Variants in QRICH2 observed in about 807,000 individuals in gnomAD.
The protein encoded by QRICH2 is glutamine-rich protein 2.
A neutral mutation model predicts 168.3 loss-of-function variants in QRICH2; 119 were observed. The ratio of observed to expected loss-of-function variants is 0.71; its 90% CI spans 0.61 to 0.82. QRICH2 has a LOEUF of 0.82. Ranked by LOEUF, QRICH2 falls within the 40% of genes least tolerant of loss-of-function variation. The pLI is 0.00. For missense variants in QRICH2, 2,241 were observed against 2,491.6 expected, an observed-to-expected ratio of 0.90 and a Z score of 2.14; for synonymous variants, 894 against 951.2, an observed-to-expected ratio of 0.94 and a Z score of 1.11.
chr17:76,275,698 C>A, intron 18 of QRICH2, 121 bp downstream of exon 18: 1 of 1,287,056 alleles, frequency 7.8e-7, no homozygotes, highest in Admixed American at 2.7e-5. Context: ...ACACCCATCC[C>A]CCCCTTCGGC....
At chr17:76,299,938 C>G (rs2070869616) in intron 3 of QRICH2, among the ~76,000 whole-genome samples, 1 of 151,692 alleles carries the variant, frequency 6.6e-6, no homozygotes, top group African/African-American at 2.4e-5. Context: ...TCAAGCGAGT[C>G]TCCTGCCTCA....
rs375838478 is a variant in QRICH2, at chr17:76,280,578, C to T, written c.4461+76G>A. The T allele has an allele frequency of 1.6e-5, 25 of 1,600,900 alleles. No homozygotes were observed. The highest frequency in any genetic ancestry group is 1.1e-4 in the African/African-American group (8 of 74,804). On this transcript the variant is annotated intron_variant, in intron 10 of 18. Coordinates refer to ENST00000680821, the MANE Select transcript of QRICH2 (RefSeq NM_001388453.1). The surrounding 1 kb of genome is among the most constrained non-coding windows in gnomAD (Gnocchi z 7.4). ...GCCCACACTCGTCTCGCCAGCTCCC[C>T]TCCACTCAGTCTCTCAAAGAACAGT...
chr17:76,279,192 G>C, intron 13 of QRICH2, 50 bp from the exon 14 acceptor site: 1 of 1,488,262 alleles, frequency 6.7e-7, no homozygotes, highest in Non-Finnish European at 9.2e-7. Context: ...GACAAGTCCG[G>C]TCCCCCAAAT....
At position 76,307,364 on chromosome 17, in the gene QRICH2, C is replaced by G; in HGVS notation, c.534+101G>C. ...CCTCGGTCCCCATCCCCTCCGTCCC[C>G]ACCACCGCTCACCCCTCCAGGGTGG... On this transcript the variant is annotated intron_variant, in intron 1 of 18. Transcript: ENST00000680821. The surrounding 1 kb of genome is among the most constrained non-coding windows in gnomAD (Gnocchi z 5.3). 3 of 1,309,632 alleles carry G rather than the reference C, an allele frequency of 2.3e-6. No individual in the cohort carries two copies. The highest frequency in any genetic ancestry group is 3.3e-6 in the Non-Finnish European group (3 of 917,408). 81.1% of individuals were successfully genotyped at this position (1,309,632 alleles called of 1,614,324 possible). A position where few individuals can be genotyped will look rare whatever the true frequency, so the allele number is the denominator to read the frequency against.
At chr17:76,301,703 A>ATTTTTTTTTTTTT (rs370779519) in intron 3 of QRICH2, among the ~76,000 whole-genome samples, 6 of 121,750 alleles carry the variant, frequency 4.9e-5, no homozygotes, top group African/African-American at 1.0e-4. Flanking sequence ...GTGTTTTATA[A>ATTTTTTTTTTTTT]TTTTTTTTTT....
rs1257405464 is a variant in QRICH2 at position 76,275,899 on chromosome 17, T to C, written c.5402A>G (p.His1801Arg). The change falls in exon 18 of 19, where the codon CAC becomes CGC. Residue 1801 changes from histidine (H) to arginine (R), a missense_variant. Coordinates refer to ENST00000680821, the MANE Select transcript of QRICH2 (RefSeq NM_001388453.1). ...RKSQQPRPHVHRPPSLSSNGQ... is the reference protein window; with the variant it reads ...RKSQQPRPHVRRPPSLSSNGQ... The stretch of plus-strand genomic sequence containing the variant: ...ATTGCTGCTGAGGGATGGCGGCCTG[T>C]GCACGTGGGGCCTGGGCTGCTGGGA... The C allele has an allele frequency of 1.2e-6, 2 of 1,609,058 alleles. No individual in the cohort carries two copies. The highest frequency in any genetic ancestry group is 8.5e-7 in the Non-Finnish European group (1 of 1,179,944).
chr17:76,292,491 C>G lies in QRICH2; in HGVS notation c.2236G>C (p.Asp746His), dbSNP rs1286442388. 8 of 1,565,048 alleles carry G rather than the reference C, an allele frequency of 5.1e-6. No individual in the cohort carries two copies. The Admixed American group carries it at 1.2e-4, about 24-fold the overall frequency. Residue 746 changes from aspartate to histidine, a missense_variant, in exon 4 of 19, where the codon GAT becomes CAT. This residue lies in a region of QRICH2 where 2,047 missense variants were observed against 2,303.8 expected (regional missense o/e 0.89). Transcript: ENST00000680821. Reference sequence around the variant, plus strand: ...GGTGGGACCAAACCACGCTGATGATCTGCACGAGGTTGTGCCAAACCACGC... The same window carrying G: ...GGTGGGACCAAACCACGCTGATGATGTGCACGAGGTTGTGCCAAACCACGC... ...DQRGLAQPRA[D>H]HQRGLVPPGA... is the part of the protein sequence containing the mutation.
At position 76,281,242 on chromosome 17, in the gene QRICH2, G is replaced by T. The variant is rs2143175485; in HGVS notation, c.4264-289C>A. ...GGGAGGCCCTCTGTCTGCCCTTTCT[G>T]GGTGTCCACCCCCACAGGACACAAG... On this transcript the variant is annotated intron_variant, in intron 8 of 18. Coordinates refer to ENST00000680821, the MANE Select transcript of QRICH2 (RefSeq NM_001388453.1). The surrounding 1 kb of genome is among the most constrained non-coding windows in gnomAD (Gnocchi z 4.4). Among the ~76,000 whole-genome samples, 1 of 152,244 alleles carries T rather than the reference G, an allele frequency of 6.6e-6. No homozygotes were observed. The highest frequency in any genetic ancestry group is 1.5e-5 in the Non-Finnish European group (1 of 67,992).
rs749594586 is a variant in QRICH2, at chr17:76,280,873, G to A, written c.4344C>T (p.Ser1448=). ...GDCEKLNITT[S]NLIEDHRQKQ... The stretch of plus-strand genomic sequence containing the variant: ...TCTGCCGATGGTCCTCGATGAGGTT[G>A]CTGGTGGTGATGTTGAGCTTCTCGC... The change falls in exon 9 of 19, where the codon AGC becomes AGT. Residue 1448 remains serine, a synonymous_variant. Coordinates refer to ENST00000680821, the MANE Select transcript of QRICH2 (RefSeq NM_001388453.1). The surrounding 1 kb of genome is among the most constrained non-coding windows in gnomAD (Gnocchi z 7.4). 1.2e-6 allele frequency: 2 copies of A among 1,613,710 alleles called. No homozygotes were observed. Among genetic ancestry groups the A allele is most frequent in the Admixed American group, 3.3e-5 (2 of 60,026 alleles).
chr17:76,308,264 C>A lies in QRICH2; in HGVS notation c.-266G>T. On this transcript the variant is annotated 5_prime_UTR_variant, in exon 1 of 19. Coordinates refer to ENST00000680821, the MANE Select transcript of QRICH2 (RefSeq NM_001388453.1). Reference sequence around the variant, plus strand: ...GAGCCCTGGACTCCCAGTCCCCGCGCCGGCGGACGTTTGAAACGTGGGGGC... The same window carrying A: ...GAGCCCTGGACTCCCAGTCCCCGCGACGGCGGACGTTTGAAACGTGGGGGC... 3 of 985,438 alleles carry A rather than the reference C, an allele frequency of 3.0e-6. No individual in the cohort carries two copies. The highest frequency in any genetic ancestry group is 9.4e-5 in the South Asian group (2 of 21,288). 61.0% of individuals were successfully genotyped at this position (985,438 alleles called of 1,614,324 possible). A position where few individuals can be genotyped will look rare whatever the true frequency, so the allele number is the denominator to read the frequency against.
At chr17:76,308,995 C>T (rs1447476806), upstream of QRICH2, among the ~76,000 whole-genome samples, 2 of 150,988 alleles carry the variant, frequency 1.3e-5, no homozygotes, top group African/African-American at 4.9e-5. Flanking sequence ...GATCGACCCA[C>T]CTCGGCCTCC....
chr17:76,277,215 T>C lies in QRICH2; in HGVS notation c.5213A>G (p.Gln1738Arg), dbSNP rs368680802. 1.2e-6 allele frequency: 2 copies of C among 1,603,596 alleles called. No homozygotes were observed. Among genetic ancestry groups the C allele is most frequent in the African/African-American group, 2.7e-5 (2 of 74,158 alleles). The change falls in exon 16 of 19, where the codon CAG becomes CGG. Residue 1738 changes from glutamine to arginine, a missense_variant. Gln to Arg is a conservative substitution (Grantham distance 43). Around this residue, in one of 3 missense-constraint regions of QRICH2, gnomAD observed 2,047 missense variants for 2,303.8 expected, o/e 0.89. Transcript: ENST00000680821. ...AGGATACAGGCCCCGGGGAAGGTGC[T>C]GCGGGCGGCTGCGGTGGTAGGGGTA... ...LTYPYHRSRP[Q>R]HLPRGLYPTE...
chr17:76,289,938 C>CA, intron 5 of QRICH2, 54 bp downstream of exon 5: 1 of 1,305,020 alleles, frequency 7.7e-7, no homozygotes. Context: ...GCGACAAGAG[C>CA]AAAACTCCAT....
rs766456048 is a variant in QRICH2, at chr17:76,307,451, G to C, written c.534+14C>G. On this transcript the variant is annotated intron_variant, in intron 1 of 18. Coordinates refer to ENST00000680821, the MANE Select transcript of QRICH2 (RefSeq NM_001388453.1). The surrounding 1 kb of genome is among the most constrained non-coding windows in gnomAD (Gnocchi z 5.3). ...AGGCAGACGGCCTGCGCGTGCCTCCGTGTGCGTGCTCACCCTGGCAAAGCT... is the reference window on the plus strand; with the variant it reads ...AGGCAGACGGCCTGCGCGTGCCTCCCTGTGCGTGCTCACCCTGGCAAAGCT... The C allele has an allele frequency of 1.9e-6, 3 of 1,613,436 alleles. No individual in the cohort carries two copies. The highest frequency in any genetic ancestry group is 2.5e-6 in the Non-Finnish European group (3 of 1,179,690).
chr17:76,291,107 T>C lies in QRICH2; in HGVS notation c.3620A>G (p.Tyr1207Cys), dbSNP rs770399177. 1 of 1,614,166 alleles carries C rather than the reference T, an allele frequency of 6.2e-7. No homozygotes were observed. The highest frequency in any genetic ancestry group is 8.5e-7 in the Non-Finnish European group (1 of 1,180,024). ...CTTCATACTCTCCTTTAGCCCCACA[T>C]AGAGGCTACTGAGCTCTCCCATCAG... ...FHLMGELSSL[Y>C]VGLKESMKDL... Residue 1207 changes from tyrosine to cysteine, a missense_variant, in exon 4 of 19, where the codon TAT becomes TGT. Around this residue, in one of 3 missense-constraint regions of QRICH2, gnomAD observed 2,047 missense variants for 2,303.8 expected, o/e 0.89. Transcript: ENST00000680821.
Position 76,280,584 on chromosome 17 carries a change from T to G in QRICH2, c.4461+70A>C. 1 of 1,601,028 alleles carries G rather than the reference T, an allele frequency of 6.2e-7. No individual in the cohort carries two copies. The highest frequency in any genetic ancestry group is 8.6e-7 in the Non-Finnish European group (1 of 1,168,808). On this transcript the variant is annotated intron_variant, in intron 10 of 18. Coordinates refer to ENST00000680821, the MANE Select transcript of QRICH2 (RefSeq NM_001388453.1). The surrounding 1 kb of genome is among the most constrained non-coding windows in gnomAD (Gnocchi z 7.4). ...ACTCGTCTCGCCAGCTCCCCTCCAC[T>G]CAGTCTCTCAAAGAACAGTCAGCGA... is the stretch of plus-strand genomic sequence containing the variant.
Position 76,292,587 on chromosome 17 carries a change from C to T in QRICH2, c.2140G>A (p.Gly714Ser). Residue 714 changes from glycine to serine, a missense_variant, in exon 4 of 19, where the codon GGT becomes AGT. By Grantham distance (56) the Gly-to-Ser change is moderately conservative. Coordinates refer to ENST00000680821, the MANE Select transcript of QRICH2 (RefSeq NM_001388453.1). ...TGAGCCAAATCACTCTGATCTGCAC[C>T]AGATTGTACCAAACCATGCTGATCT... Reference protein sequence around the residue: ...GADQHGLVQSGADQSDLAQPG... With the variant: ...GADQHGLVQSSADQSDLAQPG... 1 of 1,614,144 alleles carries T rather than the reference C, an allele frequency of 6.2e-7. No homozygotes were observed. Among genetic ancestry groups the T allele is most frequent in the Non-Finnish European group, 8.5e-7 (1 of 1,179,988 alleles).
upstream of QRICH2, chr17:76,310,696 T>G (rs2143438559): frequency 6.6e-6 from 1 of 151,990 alleles, no homozygotes; most frequent in South Asian, 2.1e-4. Flanking sequence ...CTGAAACTCC[T>G]GGGCTCAAGC....
chr17:76,290,016 T>C lies in QRICH2; in HGVS notation c.3774A>G (p.Lys1258=). 1 of 1,611,530 alleles carries C rather than the reference T, an allele frequency of 6.2e-7. No individual in the cohort carries two copies. The highest frequency in any genetic ancestry group is 8.5e-7 in the Non-Finnish European group (1 of 1,178,396). ...EQLKTVKTLA[K]EVWQEKAKVE... is the part of the protein sequence containing the mutation. ...CTTTTGCTTTCTCCTGCCAAACTTCTTTGGCTAGCGTCTTTACGGTCTTCA... is the reference window on the plus strand; with the variant it reads ...CTTTTGCTTTCTCCTGCCAAACTTCCTTGGCTAGCGTCTTTACGGTCTTCA... The change falls in exon 5 of 19, where the codon AAA becomes AAG. Residue 1258 remains lysine (K), a synonymous_variant. Coordinates refer to ENST00000680821, the MANE Select transcript of QRICH2 (RefSeq NM_001388453.1).
Sources: allele counts gnomAD v4.1 joint callset (sites outside exome capture counted in the v4.1 genomes callset), GRCh38; gene constraint gnomAD v4.1.1; regional missense constraint gnomAD v4.1.1; non-coding constraint Gnocchi (gnomAD v3.1); transcripts MANE v1.5; gene names NCBI Gene and HGNC (gene_info 2026-07-23, HGNC 2026-07-21).